The following COG6 variants were observed in gnomAD, a reference collection of about 807,000 sequenced individuals.
COG6 encodes the protein conserved oligomeric Golgi complex subunit 6.
COG6 carries 74 observed loss-of-function variants against 88.8 expected under a neutral mutation model. The observed-to-expected ratio is 0.83, with a 90% CI of 0.69 to 1.01. The LOEUF is 1.01. COG6 is among the 50% of genes least tolerant of loss of function. The pLI is 0.00. For synonymous variants in COG6, 286 were observed against 278.7 expected (o/e 1.03, Z -0.26); for missense variants, 800 against 797.9 (o/e 1.00, Z -0.03).
chr13:39,673,456 T>G (rs760630522), intron 4 of COG6, among the ~76,000 whole-genome samples: 11 of 152,030 alleles, frequency 7.2e-5, no homozygotes, highest in Admixed American at 2.6e-4. Flanking sequence ...CGTTTAACTT[T>G]CAGTTTGATA....
At chr13:39,684,260 T>TTTTTTTTTC (rs1486102079) in intron 8 of COG6, among the ~76,000 whole-genome samples, 1 of 114,178 alleles carries the variant, frequency 8.8e-6, no homozygotes, top group Non-Finnish European at 1.9e-5. Flanking sequence ...TTTTTTTTTT[T>TTTTTTTTTC]TTTTTTTTGA....
chr13:39,693,350 G>A (rs537624679), intron 11 of COG6, among the ~76,000 whole-genome samples: 16 of 151,532 alleles, frequency 1.1e-4, no homozygotes, highest in African/African-American at 3.9e-4. Context: ...AAGGGAGTCA[G>A]AACTAAGAAT....
chr13:39,692,493 A>G (rs576197310), intron 11 of COG6, among the ~76,000 whole-genome samples: 20 of 152,086 alleles, frequency 1.3e-4, no homozygotes, highest in Non-Finnish European at 2.5e-4. Context: ...TGTACACAAT[A>G]TAGTCATTGG....
intron 18 of COG6, among the ~76,000 whole-genome samples, chr13:39,749,992 G>T (rs1182031821): frequency 6.6e-6 from 1 of 152,164 alleles, no homozygotes; most frequent in Admixed American, 6.6e-5. Flanking sequence ...ATAGGAGTTT[G>T]TGTGTACTCC....
chr13:39,665,817 T>G (rs1380332109), intron 4 of COG6, among the ~76,000 whole-genome samples: 5 of 152,228 alleles, frequency 3.3e-5, no homozygotes, highest in African/African-American at 1.2e-4. Context: ...TCTAGGTATT[T>G]CATCAGTAAT....
rs140062991 is a variant in COG6 at position 39,788,172 on chromosome 13, C to T, written c.1827-163C>T. 3.4e-3 allele frequency among the ~76,000 whole-genome samples: 524 copies of T among 152,270 alleles called. 2 individuals carry two copies. Among genetic ancestry groups the T allele is most frequent in the African/African-American group, 0.012 (504 of 41,536 alleles). Reference sequence around the variant, plus strand: ...AACGGTAAGCAGAGTGCTTAATTGCCCTTTCCATCTTCACACGTACTCCAC... The same window carrying T: ...AACGGTAAGCAGAGTGCTTAATTGCTCTTTCCATCTTCACACGTACTCCAC... On this transcript the variant is annotated intron_variant, in intron 18 of 18. Coordinates refer to the COG6 transcript ENST00000416691.
intron 13 of COG6, among the ~76,000 whole-genome samples, chr13:39,703,403 C>T (rs1056127997): frequency 1.3e-4 from 20 of 152,024 alleles, no homozygotes; most frequent in Non-Finnish European, 2.8e-4. Flanking sequence ...TTGTTCAAGT[C>T]CTTTGCCATT....
Position 39,752,504 on chromosome 13 carries a change from T to G in COG6, c.*1411T>G, listed in dbSNP as rs1039183347. On this transcript the variant is annotated 3_prime_UTR_variant, in exon 19 of 19. Coordinates refer to ENST00000455146, the MANE Select transcript of COG6 (RefSeq NM_020751.3). ...ATAAAGTATAAATCAAGAGCTTAAATTGTATATAATTTATTTCTACAGAGA... is the reference window on the plus strand; with the variant it reads ...ATAAAGTATAAATCAAGAGCTTAAAGTGTATATAATTTATTTCTACAGAGA... 1 of 1,159,236 alleles carries G rather than the reference T, an allele frequency of 8.6e-7. No individual in the cohort carries two copies. The highest frequency in any genetic ancestry group is 1.6e-5 in the African/African-American group (1 of 62,172). 71.8% of individuals were successfully genotyped at this position (1,159,236 alleles called of 1,614,324 possible).
intron 18 of COG6, among the ~76,000 whole-genome samples, chr13:39,782,118 C>T (rs903206077): frequency 6.6e-6 from 1 of 152,168 alleles, no homozygotes; most frequent in African/African-American, 2.4e-5. Context: ...AAGGGGAAAA[C>T]ATTACCCATT....
rs530034601 is a variant in COG6, at chr13:39,665,549, TCTC to T, written c.428+398_428+400del. 6.3e-4 allele frequency among the ~76,000 whole-genome samples: 96 copies of T among 152,350 alleles called. 1 individual carries two copies. Among genetic ancestry groups the T allele is most frequent in the Admixed American group, 2.1e-3 (32 of 15,312 alleles). ...ATAATTAAGAGTTAATTGTATAAAT[TCTC>T]CTTGTAGTTTATACAATAGGTATAC... On this transcript the variant is annotated intron_variant, in intron 4 of 18. Transcript: ENST00000455146.
intron 18 of COG6, among the ~76,000 whole-genome samples, chr13:39,749,639 A>G (rs1566038677): frequency 1.3e-5 from 2 of 152,216 alleles, no homozygotes; most frequent in African/African-American, 4.8e-5. Context: ...GACTTCATGG[A>G]TAAGAGAGAA....
At chr13:39,718,610 G>A (rs1366108657) in intron 13 of COG6, among the ~76,000 whole-genome samples, 1 of 152,050 alleles carries the variant, frequency 6.6e-6, no homozygotes, top group Non-Finnish European at 1.5e-5. Context: ...GTAACTTGCT[G>A]AAGATTACAC....
intron 11 of COG6, among the ~76,000 whole-genome samples, chr13:39,690,463 A>G (rs1876922461): frequency 1.3e-5 from 2 of 151,832 alleles, no homozygotes. Context: ...ATAGTTTATG[A>G]CACTAAGTAT....
chr13:39,666,909 C>G (rs569295833), intron 4 of COG6, among the ~76,000 whole-genome samples: 1 of 152,088 alleles, frequency 6.6e-6, no homozygotes, highest in Non-Finnish European at 1.5e-5. Flanking sequence ...TTTCTTTACA[C>G]GTATAGGAAG....
At chr13:39,658,531 A>G (rs578245871) in intron 1 of COG6, among the ~76,000 whole-genome samples, 1 of 152,124 alleles carries the variant, frequency 6.6e-6, no homozygotes, top group South Asian at 2.1e-4. Context: ...TTTTTCTCTT[A>G]CCTACCTCCT....
intron 4 of COG6, among the ~76,000 whole-genome samples, 187 bp downstream of exon 4, chr13:39,665,341 C>A (rs1340762597): frequency 6.6e-6 from 1 of 152,116 alleles, no homozygotes. Flanking sequence ...ATAAACTTGA[C>A]ATTGAGGTTG....
At chr13:39,787,394 T>G (rs1275822974) in intron 18 of COG6, among the ~76,000 whole-genome samples, 1 of 152,128 alleles carries the variant, frequency 6.6e-6, no homozygotes, top group East Asian at 1.9e-4. Context: ...GTGGTGTGTG[T>G]GGTGTGTGTG....
At chr13:39,745,717 G>A (rs1175978185) in intron 18 of COG6, among the ~76,000 whole-genome samples, 1 of 151,986 alleles carries the variant, frequency 6.6e-6, no homozygotes, top group Non-Finnish European at 1.5e-5. Flanking sequence ...TTTTGACCCG[G>A]TGAATCCATT....
At chr13:39,758,218 CAAAAAAAA>C (rs34210362) in intron 18 of COG6, among the ~76,000 whole-genome samples, 3 of 55,808 alleles carry the variant, frequency 5.4e-5, no homozygotes, top group African/African-American at 7.0e-5. Flanking sequence ...GATGCCTTCT[CAAAAAAAA>C]AAAAAAAAAA....
Sources: gnomAD v4.1 joint callset for allele counts (sites outside exome capture counted in the v4.1 genomes callset) on GRCh38, gnomAD v4.1.1 for gene constraint, MANE v1.5 for transcripts, NCBI Gene and HGNC (gene_info 2026-07-23, HGNC 2026-07-21) for gene names.